Variants in NDST3 observed in about 807,000 individuals in gnomAD.
NDST3 encodes N-deacetylase and N-sulfotransferase 3.
NDST3 carries 58 observed loss-of-function variants against 96.1 expected under a neutral mutation model. The ratio of observed to expected loss-of-function variants is 0.60; its 90% CI spans 0.49 to 0.75. NDST3 has a LOEUF of 0.75. NDST3 is among the 30% of genes least tolerant of loss of function. The probability of loss-of-function intolerance (pLI) is 0.00; values close to 1 mark genes in which losing one functional copy is unlikely to be tolerated. For missense variants in NDST3, 788 were observed against 1,034.2 expected (o/e 0.76, Z 3.27); for synonymous variants, 333 against 359.7 (o/e 0.93, Z 0.84).
chr4:118,156,705 C>A (rs1437333061), intron 6 of NDST3, among the ~76,000 whole-genome samples: 2 of 152,118 alleles, frequency 1.3e-5, no homozygotes, highest in Non-Finnish European at 2.9e-5. Context: ...TGCTCAGTTT[C>A]ACTCATAATA....
At chr4:118,136,013 C>T (rs542831104) in intron 4 of NDST3, among the ~76,000 whole-genome samples, 1 of 152,292 alleles carries the variant, frequency 6.6e-6, no homozygotes, top group East Asian at 1.9e-4. Flanking sequence ...CTATGCTGGG[C>T]CATCCTTTCA....
intron 1 of NDST3, among the ~76,000 whole-genome samples, chr4:118,045,360 C>A (rs566788601): frequency 1.3e-5 from 2 of 152,186 alleles, no homozygotes; most frequent in East Asian, 3.9e-4. Flanking sequence ...TAATCCACAA[C>A]CCTCACATTA....
At chr4:118,113,593 G>A (rs1730820457) in intron 3 of NDST3, among the ~76,000 whole-genome samples, 1 of 152,216 alleles carries the variant, frequency 6.6e-6, no homozygotes, top group South Asian at 2.1e-4. Context: ...AATAGGCTCT[G>A]CCTCCCTTCT....
At chr4:118,239,854 G>A (rs1740900199) in intron 10 of NDST3, among the ~76,000 whole-genome samples, 1 of 152,058 alleles carries the variant, frequency 6.6e-6, no homozygotes, top group South Asian at 2.1e-4. Flanking sequence ...AAGAAAAGGT[G>A]ATTTCCTCAA....
intron 6 of NDST3, among the ~76,000 whole-genome samples, chr4:118,171,299 G>C (rs900088680): frequency 5.9e-5 from 9 of 152,032 alleles, no homozygotes; most frequent in African/African-American, 2.2e-4. Flanking sequence ...TCCTGGCAAG[G>C]AAATTTTTTT....
intron 4 of NDST3, among the ~76,000 whole-genome samples, chr4:118,124,566 T>C (rs1293036263): frequency 1.3e-5 from 2 of 152,058 alleles, no homozygotes; most frequent in African/African-American, 4.8e-5. Flanking sequence ...AGCCGGGGAC[T>C]CAAATCTGTG....
intron 6 of NDST3, 57 bp downstream of exon 6, chr4:118,143,741 C>T: frequency 6.5e-7 from 1 of 1,533,210 alleles, no homozygotes; most frequent in Non-Finnish European, 8.7e-7. Context: ...GCAAAAATTA[C>T]CCTGGCAAAG....
rs539111164 is a variant in NDST3 at position 118,046,011 on chromosome 4, C to T, written c.-155-7745C>T. On this transcript the variant is annotated intron_variant, in intron 1 of 13. Transcript: ENST00000296499. ...ATGCAGCAAAGAAGTGCTACTCCCA[C>T]GGAGAAAAACCAAGGGTTTGAGTAA... Among the ~76,000 whole-genome samples the T allele has an allele frequency of 9.9e-5, 15 of 151,736 alleles. No homozygotes were observed. The South Asian group carries it at 2.5e-3, about 25-fold the overall frequency.
chr4:118,254,460 A>G (rs992950586), intron 13 of NDST3, among the ~76,000 whole-genome samples: 2 of 152,174 alleles, frequency 1.3e-5, no homozygotes, highest in African/African-American at 4.8e-5. Flanking sequence ...ACTTTGCAGT[A>G]TGTATTCAGC....
intron 2 of NDST3, among the ~76,000 whole-genome samples, chr4:118,097,811 C>T (rs1400196570): frequency 6.6e-6 from 1 of 151,680 alleles, no homozygotes; most frequent in Admixed American, 6.6e-5. Context: ...ATTTTCAAAT[C>T]TTTATGAGTT....
chr4:118,127,210 C>G (rs1732179514), intron 4 of NDST3, among the ~76,000 whole-genome samples: 1 of 151,880 alleles, frequency 6.6e-6, no homozygotes, highest in Non-Finnish European at 1.5e-5. Context: ...GTGATCCCAT[C>G]TGTCCATTTT....
chr4:118,156,451 A>G lies in NDST3; in HGVS notation c.1539+12767A>G, dbSNP rs17049630. On this transcript the variant is annotated intron_variant, in intron 6 of 13. Coordinates refer to ENST00000296499, the MANE Select transcript of NDST3 (RefSeq NM_004784.3). ...TCCTTGATGGAAGACATCATGCCTTATTCTATTTTACATTCACAGTACACT... is the reference window on the plus strand; with the variant it reads ...TCCTTGATGGAAGACATCATGCCTTGTTCTATTTTACATTCACAGTACACT... Among the ~76,000 whole-genome samples, 1,009 of 152,244 alleles carry G rather than the reference A, an allele frequency of 6.6e-3. 8 individuals carry two copies. The highest frequency in any genetic ancestry group is 0.023 in the African/African-American group (967 of 41,536).
chr4:118,039,251 T>C (rs1160752719), intron 1 of NDST3, among the ~76,000 whole-genome samples: 2 of 152,222 alleles, frequency 1.3e-5, no homozygotes, highest in Non-Finnish European at 2.9e-5. Flanking sequence ...ATGGCTCTGA[T>C]CAAGGTGGTC....
Position 118,254,570 on chromosome 4 carries a change from G to A in NDST3, c.2502+969G>A, listed in dbSNP as rs546180550. On this transcript the variant is annotated intron_variant, in intron 13 of 13. Coordinates refer to ENST00000296499, the MANE Select transcript of NDST3 (RefSeq NM_004784.3). ...CACATTTTTACTTTAATGCTTACTTGACATATATTAAGATTTACTAATAAT... is the reference window on the plus strand; with the variant it reads ...CACATTTTTACTTTAATGCTTACTTAACATATATTAAGATTTACTAATAAT... Among the ~76,000 whole-genome samples the A allele has an allele frequency of 2.1e-4, 32 of 152,070 alleles. No individual in the cohort carries two copies. The South Asian group carries it at 6.4e-3, about 31-fold the overall frequency.
intron 2 of NDST3, among the ~76,000 whole-genome samples, chr4:118,059,914 T>C (rs2110463851): frequency 6.6e-6 from 1 of 152,296 alleles, no homozygotes; most frequent in South Asian, 2.1e-4. Context: ...ATGTTTCTTA[T>C]CTCTTATTTA....
intron 6 of NDST3, among the ~76,000 whole-genome samples, chr4:118,157,355 T>A (rs1368378588): frequency 6.6e-6 from 1 of 151,104 alleles, no homozygotes; most frequent in Non-Finnish European, 1.5e-5. Flanking sequence ...GATGGTGGGA[T>A]GAGAGCAGAA....
At chr4:118,246,588 A>G (rs1001227481) in intron 12 of NDST3, among the ~76,000 whole-genome samples, 7 of 152,272 alleles carry the variant, frequency 4.6e-5, no homozygotes, top group Non-Finnish European at 1.0e-4. Context: ...CCTGGGGAAC[A>G]AGAGCGAAAC....
intron 4 of NDST3, among the ~76,000 whole-genome samples, chr4:118,128,870 T>C (rs1239546255): frequency 6.6e-6 from 1 of 152,058 alleles, no homozygotes; most frequent in Non-Finnish European, 1.5e-5. Context: ...TATTACTTAT[T>C]ATTGGTCTTT....
Position 118,109,310 on chromosome 4 carries a change from G to C in NDST3, c.1069+4205G>C, listed in dbSNP as rs189531652. Among the ~76,000 whole-genome samples, 29 of 152,304 alleles carry C rather than the reference G, an allele frequency of 1.9e-4. No homozygotes were observed. The East Asian group carries it at 5.0e-3, about 26-fold the overall frequency. Reference sequence around the variant, plus strand: ...AGGGTGAAATATGTGGTGTGTTTAGGGGGAGAGGGAGAGAGTAGGAAGAGA... The same window carrying C: ...AGGGTGAAATATGTGGTGTGTTTAGCGGGAGAGGGAGAGAGTAGGAAGAGA... On this transcript the variant is annotated intron_variant, in intron 3 of 13. Coordinates refer to ENST00000296499, the MANE Select transcript of NDST3 (RefSeq NM_004784.3).
Sources: gnomAD v4.1 joint callset for allele counts (sites outside exome capture counted in the v4.1 genomes callset) on GRCh38, gnomAD v4.1.1 for gene constraint, MANE v1.5 for transcripts, NCBI Gene and HGNC (gene_info 2026-07-23, HGNC 2026-07-21) for gene names.